Variants in BEND6 observed in about 807,000 individuals in gnomAD.
BEND6 encodes BEN domain containing 6.
BEND6 carries 24 observed loss-of-function variants against 31.8 expected under a neutral mutation model. The ratio of observed to expected loss-of-function variants is 0.75; its 90% CI spans 0.55 to 1.06. The LOEUF is 1.06. Among genes scored for constraint, BEND6 ranks in the 50% least tolerant of loss-of-function variants. The pLI, the probability that BEND6 is intolerant of heterozygous loss-of-function variation, is 0.00. For synonymous variants in BEND6, 109 were observed against 114.6 expected, an observed-to-expected ratio of 0.95 and a Z score of 0.31; for missense variants, 294 against 327.4, an observed-to-expected ratio of 0.90 and a Z score of 0.79.
chr6:57,001,648 A>G (rs1445272372), intron 3 of BEND6, among the ~76,000 whole-genome samples: 1 of 152,230 alleles, frequency 6.6e-6, no homozygotes, highest in African/African-American at 2.4e-5. Flanking sequence ...ACTAAGCTTC[A>G]TCGGTGAAGG....
chr6:56,996,079 C>T (rs1456983019), intron 3 of BEND6, among the ~76,000 whole-genome samples: 2 of 152,166 alleles, frequency 1.3e-5, no homozygotes, highest in African/African-American at 2.4e-5. Context: ...AGTCCCCTGG[C>T]TCAGTACTAG....
In BEND6 at chr6:57,026,107, A is replaced by T. The variant is rs949905437; in HGVS notation, c.*35A>T. 6 of 152,184 alleles carry T rather than the reference A, an allele frequency of 3.9e-5. No individual in the cohort carries two copies. Among genetic ancestry groups the T allele is most frequent in the Non-Finnish European group, 7.4e-5 (5 of 68,026 alleles). 9.4% of individuals were successfully genotyped at this position (152,184 alleles called of 1,614,324 possible). ...GTATTACAGGTATCTGAAACAAAGC[A>T]CCTTCAATTCTAAATCTAGCACTGG... On this transcript the variant is annotated 3_prime_UTR_variant, in exon 7 of 7. Coordinates refer to ENST00000370746, the MANE Select transcript of BEND6 (RefSeq NM_152731.3).
At chr6:57,016,041 C>G (rs1827549194) in intron 4 of BEND6, among the ~76,000 whole-genome samples, 1 of 152,210 alleles carries the variant, frequency 6.6e-6, no homozygotes, top group Non-Finnish European at 1.5e-5. Context: ...AGTTATTAAA[C>G]TTTAAAATTC....
chr6:56,992,101 T>C (rs907133159), intron 2 of BEND6, among the ~76,000 whole-genome samples: 1 of 152,204 alleles, frequency 6.6e-6, no homozygotes, highest in African/African-American at 2.4e-5. Flanking sequence ...TTTTATTCTG[T>C]TTTGCTAATT....
chr6:57,001,315 C>T (rs911086851), intron 3 of BEND6, among the ~76,000 whole-genome samples: 2 of 152,100 alleles, frequency 1.3e-5, no homozygotes, highest in African/African-American at 4.8e-5. Flanking sequence ...AAGCATGCAC[C>T]ACAATGCCTG....
intron 1 of BEND6, among the ~76,000 whole-genome samples, chr6:56,963,447 T>G (rs897794232): frequency 4.6e-5 from 7 of 152,150 alleles, no homozygotes; most frequent in African/African-American, 1.7e-4. Context: ...CATTGCCATG[T>G]CTCCATCATT....
chr6:56,981,954 C>T, intron 2 of BEND6, 24 bp downstream of exon 2: 1 of 1,595,844 alleles, frequency 6.3e-7, no homozygotes, highest in Non-Finnish European at 8.5e-7. Context: ...TACCTTGACT[C>T]AACTTTGTTA....
At chr6:56,984,763 T>A (rs910598214) in intron 2 of BEND6, among the ~76,000 whole-genome samples, 2 of 152,180 alleles carry the variant, frequency 1.3e-5, no homozygotes, top group African/African-American at 4.8e-5. Context: ...GACAGTTATC[T>A]AAACAATATA....
chr6:56,964,690 G>A (rs1489566184), intron 1 of BEND6, among the ~76,000 whole-genome samples: 5 of 152,062 alleles, frequency 3.3e-5, no homozygotes, highest in East Asian at 1.9e-4. Context: ...TTTAGTAGAC[G>A]AAGTCTCATT....
intron 6 of BEND6, among the ~76,000 whole-genome samples, chr6:57,020,624 G>A (rs1487859496): frequency 6.6e-6 from 1 of 152,020 alleles, no homozygotes; most frequent in African/African-American, 2.4e-5. Context: ...GTTTCACCAT[G>A]TTGGCCAGGC....
At chr6:57,021,309 A>G (rs1007709238) in intron 6 of BEND6, among the ~76,000 whole-genome samples, 19 of 152,192 alleles carry the variant, frequency 1.2e-4, no homozygotes, top group Non-Finnish European at 2.5e-4. Context: ...GAATACTGTT[A>G]TATTTTTCTG....
intron 2 of BEND6, among the ~76,000 whole-genome samples, chr6:56,983,472 A>G (rs895876124): frequency 6.6e-6 from 1 of 152,140 alleles, no homozygotes; most frequent in Non-Finnish European, 1.5e-5. Flanking sequence ...TCTAAGCCCC[A>G]TCTGCCCTAG....
chr6:57,015,810 G>GA lies in BEND6; in HGVS notation c.519+474dup, dbSNP rs888955685. Among the ~76,000 whole-genome samples the GA allele has an allele frequency of 8.6e-3, 807 of 94,070 alleles. 5 individuals carry two copies. Among genetic ancestry groups the GA allele is most frequent in the African/African-American group, 0.021 (528 of 25,454 alleles). 61.7% of individuals were successfully genotyped at this position (94,070 alleles called of 152,430 possible). A position where few individuals can be genotyped will look rare whatever the true frequency, so the allele number is the denominator to read the frequency against. ...TGGGCGACAGAGCGAGACTCCGTCT[G>GA]AAAAAAAAAAAAAAAAAGAAGAGGC... On this transcript the variant is annotated intron_variant, in intron 4 of 6. Coordinates refer to ENST00000370746, the MANE Select transcript of BEND6 (RefSeq NM_152731.3).
intron 3 of BEND6, among the ~76,000 whole-genome samples, chr6:57,007,753 A>G (rs925841848): frequency 3.3e-5 from 5 of 152,182 alleles, no homozygotes; most frequent in Admixed American, 2.0e-4. Context: ...CGCTGTGATC[A>G]TGCCACTTTG....
At chr6:56,997,111 T>C (rs565427375) in intron 3 of BEND6, among the ~76,000 whole-genome samples, 1 of 152,282 alleles carries the variant, frequency 6.6e-6, no homozygotes, top group African/African-American at 2.4e-5. Flanking sequence ...CCTCTCCTTC[T>C]CTGTGATCCA....
chr6:57,015,281 T>C lies in BEND6; in HGVS notation c.447T>C (p.Ser149=), dbSNP rs1562558230. The change falls in exon 4 of 7, where the codon AGT becomes AGC. Residue 149 remains serine, a synonymous_variant. Transcript: ENST00000370746. The part of the protein sequence containing the change: ...SSPDSFASTC[S]NSNSNSSSPV... ...CAGATTCATTTGCCTCAACATGCAG[T>C]AATTCTAATTCTAACTCCAGTTCAC... 10 of 1,614,038 alleles carry C rather than the reference T, an allele frequency of 6.2e-6. No individual in the cohort carries two copies. Among genetic ancestry groups the C allele is most frequent in the African/African-American group, 1.3e-5 (1 of 74,900 alleles).
chr6:56,984,521 G>C (rs1331300391), intron 2 of BEND6, among the ~76,000 whole-genome samples: 3 of 152,168 alleles, frequency 2.0e-5, no homozygotes, highest in African/African-American at 7.2e-5. Context: ...TGCTGATGCA[G>C]GTTTAGGGAA....
chr6:56,960,448 G>T (rs751852452), intron 1 of BEND6, among the ~76,000 whole-genome samples: 5 of 152,002 alleles, frequency 3.3e-5, no homozygotes, highest in Non-Finnish European at 5.9e-5. Flanking sequence ...AAAAAGTAAG[G>T]TAGGAGCTTT....
At chr6:57,020,511 C>T (rs1435223323) in intron 6 of BEND6, among the ~76,000 whole-genome samples, 1 of 152,176 alleles carries the variant, frequency 6.6e-6, no homozygotes, top group Non-Finnish European at 1.5e-5. Context: ...ACCTCCACCT[C>T]CTGGGTTCAA....
Sources: allele counts gnomAD v4.1 joint callset (sites outside exome capture counted in the v4.1 genomes callset), GRCh38; gene constraint gnomAD v4.1.1; transcripts MANE v1.5; gene names NCBI Gene and HGNC (gene_info 2026-07-23, HGNC 2026-07-21).